USP49: variants seen among roughly 807,000 people sequenced by gnomAD.
USP49 encodes the protein ubiquitin specific peptidase 49, also known as ubiquitin carboxyl-terminal hydrolase 49.
USP49 carries 24 observed loss-of-function variants against 58.6 expected under a neutral mutation model. The observed-to-expected ratio is 0.41, with a 90% CI of 0.30 to 0.58. USP49 has a LOEUF of 0.58. Among genes scored for constraint, USP49 ranks in the 20% least tolerant of loss-of-function variants. The pLI, the probability that USP49 is intolerant of heterozygous loss-of-function variation, is 0.30. For synonymous variants in USP49, 408 were observed against 365.1 expected, an observed-to-expected ratio of 1.12 and a Z score of -1.34; for missense variants, 703 against 866.1, an observed-to-expected ratio of 0.81 and a Z score of 2.36.
rs978575130 is a variant in USP49 at position 41,806,676 on chromosome 6, C to T, written c.308G>A (p.Arg103Gln). The T allele has an allele frequency of 2.7e-5, 43 of 1,614,030 alleles. No individual in the cohort carries two copies. Among genetic ancestry groups the T allele is most frequent in the Non-Finnish European group, 3.5e-5 (41 of 1,180,052 alleles). ...CACCGGCGTGTCCTGTTTCTGGCCC[C>T]GGACCGCCAGGAGGGAGCTTCTTAG... ...KLLRSSLLAVRGQKQDTPVRR... is the reference protein window; with the variant it reads ...KLLRSSLLAVQGQKQDTPVRR... Residue 103 changes from arginine (R) to glutamine (Q), a missense_variant, in exon 4 of 8, where the codon CGG (arginine) becomes CAG (glutamine). By Grantham distance (43) the Arg-to-Gln change is conservative (BLOSUM62 1). Around this residue, in one of 6 missense-constraint regions of USP49, gnomAD observed 376 missense variants for 373.5 expected, o/e 1.01. Transcript: ENST00000682992. The surrounding 1 kb of genome is among the most constrained non-coding windows in gnomAD (Gnocchi z 5.9).
At chr6:41,892,977 T>C (rs115607183) in intron 1 of USP49, among the ~76,000 whole-genome samples, 1,986 of 152,312 alleles carry the variant, frequency 0.013, 27 homozygotes, top group South Asian at 0.062. Context: ...TTGCCCCAAA[T>C]TTCTTATCTT....
At chr6:41,836,889 T>C (rs1773738079) in intron 3 of USP49, among the ~76,000 whole-genome samples, 1 of 151,390 alleles carries the variant, frequency 6.6e-6, no homozygotes, top group Non-Finnish European at 1.5e-5. Flanking sequence ...ACAAAATACC[T>C]AGGAATACAG....
chr6:41,839,055 G>A (rs9394834), intron 3 of USP49, among the ~76,000 whole-genome samples: 29,768 of 151,926 alleles, frequency 0.2, 3,322 homozygotes, highest in East Asian at 0.29. Context: ...TAAACCCCTG[G>A]GACATAGCAA....
Position 41,796,228 on chromosome 6 carries a change from A to C in USP49, c.*305T>G. On this transcript the variant is annotated 3_prime_UTR_variant, in exon 8 of 8. Coordinates refer to ENST00000682992, the MANE Select transcript of USP49 (RefSeq NM_001286554.2). ...AACATGGCTGCTCTCCTGTGTGGATATGATTGATTTACCCCCCCGCCCCGC... is the reference window on the plus strand; with the variant it reads ...AACATGGCTGCTCTCCTGTGTGGATCTGATTGATTTACCCCCCCGCCCCGC... 1 of 272,956 alleles carries C rather than the reference A, an allele frequency of 3.7e-6. No individual in the cohort carries two copies. The highest frequency in any genetic ancestry group is 7.2e-5 in the East Asian group (1 of 13,836). The allele number at this position is 272,956 out of a possible 1,614,324, so 16.9% of individuals were successfully genotyped here.
At chr6:41,823,088 T>G (rs985102361) in intron 3 of USP49, among the ~76,000 whole-genome samples, 1 of 152,092 alleles carries the variant, frequency 6.6e-6, no homozygotes, top group African/African-American at 2.4e-5. Flanking sequence ...AAATATAGTA[T>G]GTGAAAAAAG....
chr6:41,883,598 G>C (rs1774653503), intron 2 of USP49, among the ~76,000 whole-genome samples: 1 of 151,728 alleles, frequency 6.6e-6, no homozygotes, highest in African/African-American at 2.4e-5. Context: ...ATTCCAGCCT[G>C]AGCGACAGAG....
At chr6:41,821,010 T>C (rs1773443537) in intron 3 of USP49, among the ~76,000 whole-genome samples, 1 of 151,668 alleles carries the variant, frequency 6.6e-6, no homozygotes, top group Admixed American at 6.6e-5. Flanking sequence ...TCAAAATAAA[T>C]AAATAAGTAA....
chr6:41,889,425 A>T (rs1774774096), intron 2 of USP49, among the ~76,000 whole-genome samples: 1 of 151,914 alleles, frequency 6.6e-6, no homozygotes. Context: ...ATTTCACCTA[A>T]CTATTTCTTG....
At chr6:41,888,678 C>A (rs970583377) in intron 2 of USP49, among the ~76,000 whole-genome samples, 2 of 152,088 alleles carry the variant, frequency 1.3e-5, no homozygotes, top group East Asian at 1.9e-4. Flanking sequence ...ATCTCGAACT[C>A]CTGACCTCAA....
At position 41,792,022 on chromosome 6, in the gene USP49, CTT is replaced by C. The variant is rs1301938737; in HGVS notation, c.*4509_*4510del. The C allele has an allele frequency of 6.6e-6, 1 of 152,174 alleles. No homozygotes were observed. The highest frequency in any genetic ancestry group is 1.5e-5 in the Non-Finnish European group (1 of 68,038). 9.4% of individuals were successfully genotyped at this position (152,174 alleles called of 1,614,324 possible). A position where few individuals can be genotyped will look rare whatever the true frequency, so the allele number is the denominator to read the frequency against. On this transcript the variant is annotated 3_prime_UTR_variant, in exon 8 of 8. Transcript: ENST00000682992. ...TTCAAGTGTGCATTTGAGTGGGAAA[CTT>C]TTAAACACCATATGTTGAAGTTTCA...
At chr6:41,816,086 C>G (rs748108181) in intron 3 of USP49, among the ~76,000 whole-genome samples, 1 of 152,242 alleles carries the variant, frequency 6.6e-6, no homozygotes, top group South Asian at 2.1e-4. Flanking sequence ...TCCGTACCTT[C>G]ATCCTCTGCT....
chr6:41,829,407 G>A (rs1301926514), intron 3 of USP49, among the ~76,000 whole-genome samples: 4 of 151,944 alleles, frequency 2.6e-5, no homozygotes, highest in Admixed American at 1.3e-4. Flanking sequence ...CTCGCCTCCC[G>A]GGTTCAAGCG....
intron 2 of USP49, among the ~76,000 whole-genome samples, chr6:41,890,672 AATAATAATC>A (rs989866599): frequency 9.2e-5 from 14 of 152,298 alleles, no homozygotes; most frequent in Non-Finnish European, 1.5e-4. Context: ...ATTCTGTCTC[AATAATAATC>A]ATAATAATCA....
chr6:41,876,774 C>A (rs1774511119), intron 2 of USP49, among the ~76,000 whole-genome samples: 1 of 152,070 alleles, frequency 6.6e-6, no homozygotes. Flanking sequence ...ATTCACACAA[C>A]TAAATAAAGA....
chr6:41,838,401 C>CTATT (rs1375111331), intron 3 of USP49, among the ~76,000 whole-genome samples: 1 of 152,176 alleles, frequency 6.6e-6, no homozygotes, highest in Non-Finnish European at 1.5e-5. Context: ...AGAGCAGGTG[C>CTATT]TATTATCCAT....
chr6:41,859,918 C>T (rs1056863133), intron 3 of USP49, among the ~76,000 whole-genome samples: 1 of 152,102 alleles, frequency 6.6e-6, no homozygotes, highest in African/African-American at 2.4e-5. Context: ...AAGTGTGTAA[C>T]CTGTGTCTAA....
At chr6:41,836,718 T>C (rs1310592044) in intron 3 of USP49, among the ~76,000 whole-genome samples, 1 of 152,196 alleles carries the variant, frequency 6.6e-6, no homozygotes, top group Non-Finnish European at 1.5e-5. Context: ...CAAAAGATCC[T>C]AGATCTTATA....
chr6:41,829,472 C>A (rs1773598948), intron 3 of USP49, among the ~76,000 whole-genome samples: 1 of 152,130 alleles, frequency 6.6e-6, no homozygotes, highest in South Asian at 2.1e-4. Context: ...CAACACAATG[C>A]CCGGCTAATT....
At chr6:41,801,105 A>C (rs1772989144) in intron 5 of USP49, among the ~76,000 whole-genome samples, 1 of 152,382 alleles carries the variant, frequency 6.6e-6, no homozygotes, top group African/African-American at 2.4e-5. Flanking sequence ...CCTTGAGGAA[A>C]TGCATTTCTA....
Sources: gnomAD v4.1 joint callset for allele counts (sites outside exome capture counted in the v4.1 genomes callset) on GRCh38, gnomAD v4.1.1 for gene constraint, gnomAD v4.1.1 regional missense constraint, Gnocchi (gnomAD v3.1) non-coding constraint, MANE v1.5 for transcripts, NCBI Gene and HGNC (gene_info 2026-07-23, HGNC 2026-07-21) for gene names.